The following PCBP3 variants were observed in gnomAD, a reference collection of about 807,000 sequenced individuals.
PCBP3 encodes the protein poly(rC) binding protein 3.
PCBP3 carries 25 observed loss-of-function variants against 52.7 expected under a neutral mutation model. The observed-to-expected ratio is 0.47, with a 90% CI of 0.35 to 0.66. The LOEUF (loss-of-function observed/expected upper bound fraction) is 0.66. PCBP3 is among the 30% of genes least tolerant of loss of function. PCBP3 has a pLI of 0.01. For missense variants in PCBP3, 391 were observed against 490.3 expected (o/e 0.80, Z 1.91); for synonymous variants, 162 against 183.0 (o/e 0.89, Z 0.93).
At chr21:45,646,071 C>T (rs1019680129) in intron 1 of PCBP3, among the ~76,000 whole-genome samples, 2 of 123,334 alleles carry the variant, frequency 1.6e-5, no homozygotes, top group East Asian at 2.3e-4. Context: ...CTCTCTCTCT[C>T]TCTCTCTCTC....
chr21:45,929,837 C>T, intron 13 of PCBP3, 80 bp from the exon 14 acceptor site: 1 of 1,041,952 alleles, frequency 9.6e-7, no homozygotes, highest in South Asian at 1.3e-5. Context: ...GTGCAAAGTT[C>T]TGTTACTGCC....
At chr21:45,646,192 A>C (rs2079303261) in intron 1 of PCBP3, among the ~76,000 whole-genome samples, 1 of 149,660 alleles carries the variant, frequency 6.7e-6, no homozygotes, top group Non-Finnish European at 1.5e-5. Context: ...GTACTTTAAA[A>C]TTAATTTCAG....
Position 45,735,571 on chromosome 21 carries a change from A to G in PCBP3, c.-162+142A>G, listed in dbSNP as rs992869811. The G allele has an allele frequency of 1.3e-5, 2 of 152,182 alleles. No homozygotes were observed. Among genetic ancestry groups the G allele is most frequent in the Non-Finnish European group, 2.9e-5 (2 of 68,038 alleles). 9.4% of individuals were successfully genotyped at this position (152,182 alleles called of 1,614,324 possible). A position where few individuals can be genotyped will look rare whatever the true frequency, so the allele number is the denominator to read the frequency against. On this transcript the variant is annotated intron_variant, in intron 3 of 17. Transcript: ENST00000681687. This position sits in a 1 kb window ranked among gnomAD's most constrained non-coding sequence, Gnocchi z 4.0. Reference sequence around the variant, plus strand: ...CCTCTGGATCCTGGTTTTATGTCTCATGGGGAACCTGCCTCAGGTCACACT... The same window carrying G: ...CCTCTGGATCCTGGTTTTATGTCTCGTGGGGAACCTGCCTCAGGTCACACT...
intron 1 of PCBP3, among the ~76,000 whole-genome samples, chr21:45,657,864 C>T (rs181974984): frequency 6.6e-6 from 1 of 152,290 alleles, no homozygotes; most frequent in East Asian, 1.9e-4. Context: ...GATATAGATA[C>T]TTTTAATTCT....
chr21:45,708,994 A>G (rs1400341920), intron 2 of PCBP3, among the ~76,000 whole-genome samples: 2 of 152,246 alleles, frequency 1.3e-5, no homozygotes, highest in Admixed American at 1.3e-4. Context: ...ATGTGATTTC[A>G]AAGACTGGTT....
chr21:45,862,261 C>G (rs1266722844), intron 5 of PCBP3, among the ~76,000 whole-genome samples: 4 of 152,074 alleles, frequency 2.6e-5, no homozygotes, highest in African/African-American at 7.2e-5. Context: ...TTCAAAATAC[C>G]TGGAATTGTC....
Position 45,928,477 on chromosome 21 carries a change from T to G in PCBP3, c.718-1440T>G, listed in dbSNP as rs1040122093. Among the ~76,000 whole-genome samples the G allele has an allele frequency of 4.6e-4, 70 of 152,192 alleles. No homozygotes were observed. The highest frequency in any genetic ancestry group is 1.7e-3 in the African/African-American group (69 of 41,524). The stretch of plus-strand genomic sequence containing the variant: ...TCTGGGTGAACTCTTAGGGGAGGGC[T>G]CCCAGCTCCTGAGAGGCCAAGTTCA... On this transcript the variant is annotated intron_variant, in intron 13 of 17. Transcript: ENST00000681687. This position sits in a 1 kb window ranked among gnomAD's most constrained non-coding sequence, Gnocchi z 4.1.
intron 1 of PCBP3, among the ~76,000 whole-genome samples, chr21:45,653,265 G>C (rs893863730): frequency 6.6e-6 from 1 of 152,112 alleles, no homozygotes; most frequent in Non-Finnish European, 1.5e-5. Context: ...TGGTAAGCAT[G>C]TTACATCTGC....
intron 3 of PCBP3, among the ~76,000 whole-genome samples, chr21:45,743,233 A>G (rs551461852): frequency 6.1e-4 from 93 of 152,316 alleles, no homozygotes; most frequent in Non-Finnish European, 1.1e-3. Context: ...ATCAGTTTTT[A>G]TATATTTGAA....
At chr21:45,823,600 G>A (rs989370244) in intron 4 of PCBP3, among the ~76,000 whole-genome samples, 1 of 152,128 alleles carries the variant, frequency 6.6e-6, no homozygotes, top group Non-Finnish European at 1.5e-5. Flanking sequence ...GTGATTCACT[G>A]ACTCACCCAA....
intron 2 of PCBP3, among the ~76,000 whole-genome samples, chr21:45,696,171 C>T (rs950262289): frequency 8.6e-5 from 13 of 151,242 alleles, no homozygotes; most frequent in Admixed American, 3.3e-4. Context: ...ACTTGGACTC[C>T]GTCTCACACC....
At chr21:45,754,451 C>T (rs541887289) in intron 3 of PCBP3, among the ~76,000 whole-genome samples, 80 of 152,278 alleles carry the variant, frequency 5.3e-4, no homozygotes, top group African/African-American at 1.7e-3. Context: ...GCCTGCTAAC[C>T]TACCCAAATC....
At chr21:45,646,255 G>A (rs1178688015) in intron 1 of PCBP3, among the ~76,000 whole-genome samples, 3 of 151,834 alleles carry the variant, frequency 2.0e-5, no homozygotes, top group African/African-American at 4.8e-5. Flanking sequence ...GAATGGGAGC[G>A]TGTCTTGAAA....
chr21:45,721,412 C>CA lies in PCBP3; in HGVS notation c.-199-13961dup, dbSNP rs34586187. 7.6e-3 allele frequency among the ~76,000 whole-genome samples: 721 copies of CA among 95,044 alleles called. 17 individuals carry two copies. Among genetic ancestry groups the CA allele is most frequent in the African/African-American group, 0.023 (591 of 25,720 alleles). 62.4% of individuals were successfully genotyped at this position (95,044 alleles called of 152,430 possible). On this transcript the variant is annotated intron_variant, in intron 2 of 17. Coordinates refer to ENST00000681687, the MANE Select transcript of PCBP3 (RefSeq NM_001384156.1). ...TAGGCGACGGAGTAAGACTCCATCT[C>CA]AAAAAAAAAAAAAAAAAAACAACTC...
At chr21:45,655,758 C>T (rs2146940991) in intron 1 of PCBP3, among the ~76,000 whole-genome samples, 1 of 152,146 alleles carries the variant, frequency 6.6e-6, no homozygotes, top group African/African-American at 2.4e-5. Flanking sequence ...ACAATCTATC[C>T]ATCTGACAAC....
chr21:45,841,063 T>C lies in PCBP3; in HGVS notation c.-125-8898T>C, dbSNP rs376772494. Among the ~76,000 whole-genome samples, 47 of 152,344 alleles carry C rather than the reference T, an allele frequency of 3.1e-4. No homozygotes were observed. The South Asian group carries it at 8.7e-3, about 28-fold the overall frequency. On this transcript the variant is annotated intron_variant, in intron 4 of 17. Transcript: ENST00000681687. ...GTACCGCTTTGTAGCCTAGGAGCAA[T>C]AGGCTATACCATCTAGCCTGGGTGT...
intron 5 of PCBP3, among the ~76,000 whole-genome samples, chr21:45,863,903 C>T (rs1448882835): frequency 3.9e-5 from 6 of 152,114 alleles, no homozygotes; most frequent in Non-Finnish European, 7.3e-5. Flanking sequence ...ACCGCATAGC[C>T]GTGCACGATG....
chr21:45,789,166 ATG>A (rs1205929755), intron 4 of PCBP3, among the ~76,000 whole-genome samples: 1 of 152,174 alleles, frequency 6.6e-6, no homozygotes, highest in Admixed American at 6.5e-5. Context: ...TCAGGAGTGA[ATG>A]TGTGTGCACA....
At chr21:45,717,992 C>G (rs1405017583) in intron 2 of PCBP3, among the ~76,000 whole-genome samples, 1 of 152,202 alleles carries the variant, frequency 6.6e-6, no homozygotes, top group Admixed American at 6.5e-5. Flanking sequence ...TTTTTGGTTA[C>G]TAAACCTCTT....
Sources: gnomAD v4.1 joint callset for allele counts (sites outside exome capture counted in the v4.1 genomes callset) on GRCh38, gnomAD v4.1.1 for gene constraint, Gnocchi (gnomAD v3.1) non-coding constraint, MANE v1.5 for transcripts, NCBI Gene and HGNC (gene_info 2026-07-23, HGNC 2026-07-21) for gene names.